The following UBE2F variants were observed in gnomAD, a reference collection of about 807,000 sequenced individuals.
The protein encoded by UBE2F is ubiquitin conjugating enzyme E2 F (putative), also known as NEDD8-conjugating enzyme UBE2F.
In UBE2F, 5 loss-of-function variants were observed where a neutral mutation model predicts 29.6. That is an observed-to-expected ratio of 0.17 (90% confidence interval 0.09 to 0.36). UBE2F has a LOEUF of 0.36. Ranked by LOEUF, UBE2F falls within the 10% of genes least tolerant of loss-of-function variation. UBE2F has a pLI of 1.00. For synonymous variants in UBE2F, 66 were observed against 81.8 expected (o/e 0.81, Z 1.04); for missense variants, 141 against 228.5 (o/e 0.62, Z 2.47).
chr2:237,988,338 C>T (rs2063521554), intron 3 of UBE2F, among the ~76,000 whole-genome samples: 1 of 151,914 alleles, frequency 6.6e-6, no homozygotes, highest in Non-Finnish European at 1.5e-5. Flanking sequence ...GTTCCAGCTA[C>T]TTGGGAGGCT....
chr2:238,025,331 CTG>C lies in UBE2F; in HGVS notation c.283-7_283-6del. 1 of 1,613,360 alleles carries C rather than the reference CTG, an allele frequency of 6.2e-7. No homozygotes were observed. The highest frequency in any genetic ancestry group is 1.1e-5 in the South Asian group (1 of 91,020). On this transcript the variant is annotated splice_polypyrimidine_tract_variant and intron_variant, in intron 5 of 9. Transcript: ENST00000272930. The stretch of plus-strand genomic sequence containing the variant: ...GTCGGCGTGATCTCTCTCATTGTCT[CTG>C]TGTTGCAGCCTCCCAAAGTGAAATG...
In UBE2F at chr2:238,011,181, C is replaced by T. The variant is rs1055297995; in HGVS notation, c.215-5385C>T. Among the ~76,000 whole-genome samples, 28 of 152,256 alleles carry T rather than the reference C, an allele frequency of 1.8e-4. 1 individual carries two copies. Among genetic ancestry groups the T allele is most frequent in the Admixed American group, 1.6e-3 (25 of 15,292 alleles). Reference sequence around the variant, plus strand: ...TCTCACTCTGAATCAGAGCCAGCTACATGCAGGGGCCTGCAGGGCCCAACA... The same window carrying T: ...TCTCACTCTGAATCAGAGCCAGCTATATGCAGGGGCCTGCAGGGCCCAACA... On this transcript the variant is annotated intron_variant, in intron 4 of 9. Coordinates refer to ENST00000272930, the MANE Select transcript of UBE2F (RefSeq NM_080678.3).
At chr2:238,029,698 C>G (rs11887191) in intron 6 of UBE2F, among the ~76,000 whole-genome samples, 10,871 of 152,160 alleles carry the variant, frequency 0.071, 429 homozygotes, top group African/African-American at 0.11. Flanking sequence ...TGCCCGTGAG[C>G]TGCCTGGGTT....
intron 5 of UBE2F, among the ~76,000 whole-genome samples, chr2:238,019,654 C>CTTTTTTTTTTT (rs375103007): frequency 3.8e-5 from 3 of 78,018 alleles, no homozygotes; most frequent in African/African-American, 5.3e-5. Context: ...TGTGCTCAGC[C>CTTTTTTTTTTT]TTTTTTTTTT....
chr2:238,030,474 C>T, intron 6 of UBE2F, 82 bp from the exon 7 acceptor site: 1 of 939,484 alleles, frequency 1.1e-6, no homozygotes, highest in Non-Finnish European at 1.7e-6. Flanking sequence ...TCCTGCATGG[C>T]ACACACCGAG....
intron 2 of UBE2F, among the ~76,000 whole-genome samples, chr2:237,984,678 C>T (rs185415006): frequency 6.6e-6 from 1 of 152,336 alleles, no homozygotes; most frequent in East Asian, 1.9e-4. Context: ...TCAGTTATTT[C>T]AGAGGGTACC....
At chr2:238,011,312 G>A (rs951035150) in intron 4 of UBE2F, among the ~76,000 whole-genome samples, 4 of 152,096 alleles carry the variant, frequency 2.6e-5, no homozygotes, top group African/African-American at 4.8e-5. Flanking sequence ...GCCTCTTACC[G>A]TACCCACCCT....
intron 2 of UBE2F, chr2:237,986,127 A>T: frequency 2.9e-6 from 1 of 350,400 alleles, no homozygotes; most frequent in South Asian, 2.1e-5. Context: ...CAATTCATAG[A>T]CTACCTTTTC....
At chr2:237,983,441 T>C (rs2063417710) in intron 2 of UBE2F, among the ~76,000 whole-genome samples, 1 of 152,200 alleles carries the variant, frequency 6.6e-6, no homozygotes, top group Non-Finnish European at 1.5e-5. Flanking sequence ...ACCTGGGCCC[T>C]AGAATGAGTG....
rs147920184 is a variant in UBE2F, at chr2:238,012,644, A to T, written c.215-3922A>T. Among the ~76,000 whole-genome samples the T allele has an allele frequency of 2.0e-3, 299 of 152,002 alleles. 2 individuals are homozygous for T. The highest frequency in any genetic ancestry group is 6.8e-3 in the African/African-American group (284 of 41,508). On this transcript the variant is annotated intron_variant, in intron 4 of 9. Transcript: ENST00000272930. ...ATTAATTGTCAAACTAGTCTGCGAAATCACTCTTTCCCTCAGGCAAAAGTC... is the reference window on the plus strand; with the variant it reads ...ATTAATTGTCAAACTAGTCTGCGAATTCACTCTTTCCCTCAGGCAAAAGTC...
chr2:237,969,500 CTT>C (rs2063128745), intron 1 of UBE2F, among the ~76,000 whole-genome samples: 2 of 152,150 alleles, frequency 1.3e-5, no homozygotes, highest in African/African-American at 4.8e-5. Flanking sequence ...ATTTTTCACT[CTT>C]TGCTTCATTT....
intron 9 of UBE2F, 132 bp from the exon 10 acceptor site, chr2:238,041,156 A>G: frequency 1.2e-6 from 1 of 819,376 alleles, no homozygotes; most frequent in South Asian, 1.6e-5. Context: ...GCAAGGTCCC[A>G]GTCCTTCTAC....
chr2:237,978,701 T>G (rs1307950780), intron 2 of UBE2F, among the ~76,000 whole-genome samples: 1 of 152,170 alleles, frequency 6.6e-6, no homozygotes, highest in African/African-American at 2.4e-5. Context: ...ATGAGTGTTT[T>G]GGGCTGCTGT....
chr2:237,992,772 GT>G (rs1334401515), intron 3 of UBE2F, among the ~76,000 whole-genome samples: 1 of 152,200 alleles, frequency 6.6e-6, no homozygotes, highest in Non-Finnish European at 1.5e-5. Context: ...AATTGAGGAC[GT>G]TGGACTAGAT....
At chr2:237,999,887 C>T (rs545072615) in intron 4 of UBE2F, among the ~76,000 whole-genome samples, 2 of 147,830 alleles carry the variant, frequency 1.4e-5, no homozygotes, top group Admixed American at 6.8e-5. Context: ...TGCAGTGGCG[C>T]GATCTCAGCT....
chr2:238,004,408 G>T (rs1559214343), intron 4 of UBE2F, among the ~76,000 whole-genome samples: 1 of 151,002 alleles, frequency 6.6e-6, no homozygotes, highest in Non-Finnish European at 1.5e-5. Flanking sequence ...AAAAAATAAG[G>T]TTTTTTTTTC....
chr2:238,007,328 GC>G (rs2063929265), intron 4 of UBE2F, among the ~76,000 whole-genome samples: 2 of 151,612 alleles, frequency 1.3e-5, no homozygotes, highest in South Asian at 4.2e-4. Context: ...CACCATATTG[GC>G]CAGGCTGGTC....
intron 4 of UBE2F, among the ~76,000 whole-genome samples, chr2:238,012,060 T>TC (rs2064044734): frequency 6.6e-6 from 1 of 150,828 alleles, no homozygotes; most frequent in Admixed American, 6.6e-5. Context: ...TTTTTTTTTT[T>TC]TTCTGTGGAG....
intron 5 of UBE2F, among the ~76,000 whole-genome samples, chr2:238,019,748 C>A (rs1266930324): frequency 6.6e-6 from 1 of 151,098 alleles, no homozygotes; most frequent in Admixed American, 6.6e-5. Context: ...CAACCTCTGC[C>A]ACCTGGATTC....
Sources: allele counts gnomAD v4.1 joint callset (sites outside exome capture counted in the v4.1 genomes callset), GRCh38; gene constraint gnomAD v4.1.1; transcripts MANE v1.5; gene names NCBI Gene and HGNC (gene_info 2026-07-23, HGNC 2026-07-21).